The following ASB4 variants were observed in gnomAD, a reference collection of about 807,000 sequenced individuals.
The protein encoded by ASB4 is ankyrin repeat and SOCS box containing 4, also known as ankyrin repeat and SOCS box protein 4.
ASB4 carries 35 observed loss-of-function variants against 38.6 expected under a neutral mutation model. That is an observed-to-expected ratio of 0.91 (90% CI 0.69 to 1.20). ASB4 has a LOEUF of 1.20. ASB4 is among the 50% of genes most tolerant of loss of function. ASB4 has a pLI of 0.00. For missense variants in ASB4, 557 were observed against 527.2 expected, an observed-to-expected ratio of 1.06 and a Z score of -0.55; for synonymous variants, 195 against 201.3, an observed-to-expected ratio of 0.97 and a Z score of 0.26.
intron 1 of ASB4, among the ~76,000 whole-genome samples, chr7:95,493,139 A>C (rs184240566): frequency 3.9e-5 from 6 of 152,304 alleles, no homozygotes; most frequent in African/African-American, 1.4e-4. Context: ...TGGAATCTCA[A>C]AGTAATATAT....
chr7:95,517,631 C>A (rs1030020178), intron 2 of ASB4, among the ~76,000 whole-genome samples: 2 of 151,856 alleles, frequency 1.3e-5, no homozygotes, highest in East Asian at 3.9e-4. Flanking sequence ...AGAAATGAGT[C>A]ATCAATACCA....
chr7:95,515,506 C>T (rs1262776624), intron 2 of ASB4, among the ~76,000 whole-genome samples: 3 of 150,314 alleles, frequency 2.0e-5, no homozygotes, highest in Non-Finnish European at 4.4e-5. Context: ...ACCTCTGCAT[C>T]CCGTGTTCAA....
rs530636135 is a variant in ASB4 at position 95,498,323 on chromosome 7, T to C, written c.487+2266T>C. On this transcript the variant is annotated intron_variant, in intron 2 of 4. Coordinates refer to ENST00000325885, the MANE Select transcript of ASB4 (RefSeq NM_016116.3). ...ATCATTACAAACATATTAGAATAGC[T>C]AACATATTGGCTAACATTCTAAATG... is the stretch of plus-strand genomic sequence containing the variant. Among the ~76,000 whole-genome samples the C allele has an allele frequency of 2.0e-5, 3 of 152,308 alleles. No individual in the cohort carries two copies. The South Asian group carries it at 6.2e-4, about 32-fold the overall frequency.
At position 95,538,325 on chromosome 7, in the gene ASB4, T is replaced by G. The variant is rs1790924183; in HGVS notation, c.*566T>G. On this transcript the variant is annotated 3_prime_UTR_variant, in exon 5 of 5. Transcript: ENST00000325885. Reference sequence around the variant, plus strand: ...AAACAAGGAGATCTTGGAGTCAAATTAGAAATGAGAAAGAAACATCAGTCC... The same window carrying G: ...AAACAAGGAGATCTTGGAGTCAAATGAGAAATGAGAAAGAAACATCAGTCC... 1 of 152,216 alleles carries G rather than the reference T, an allele frequency of 6.6e-6. No individual in the cohort carries two copies. Among genetic ancestry groups the G allele is most frequent in the Non-Finnish European group, 1.5e-5 (1 of 68,088 alleles). The allele number at this position is 152,216 out of a possible 1,614,324, so 9.4% of individuals were successfully genotyped here.
intron 2 of ASB4, among the ~76,000 whole-genome samples, chr7:95,510,586 GT>G (rs1790466019): frequency 6.6e-6 from 1 of 152,082 alleles, no homozygotes; most frequent in African/African-American, 2.4e-5. Flanking sequence ...AACACTAATT[GT>G]TTTGGTCTCA....
In ASB4 at chr7:95,528,001, G is replaced by T; in HGVS notation, c.676G>T (p.Glu226Ter). 6.2e-7 allele frequency: 1 copy of T among 1,614,132 alleles called. No individual in the cohort carries two copies. Among genetic ancestry groups the T allele is most frequent in the Non-Finnish European group, 8.5e-7 (1 of 1,180,044 alleles). ...CTGGGCCCTCCGCTTTAAGGAGCAG[G>T]AGTACAGCACGGAGCACCACCTGGT... ...AYWALRFKEQ[E>*]YSTEHHLVCR... Residue 226 changes from glutamate to a stop codon, truncating the protein, a stop_gained, in exon 3 of 5, where the codon GAG becomes TAG. Transcript: ENST00000325885. LOFTEE classifies it high-confidence loss of function.
At chr7:95,521,347 A>G (rs1790659573) in intron 2 of ASB4, among the ~76,000 whole-genome samples, 1 of 152,126 alleles carries the variant, frequency 6.6e-6, no homozygotes, top group African/African-American at 2.4e-5. Context: ...ATGAGAATAC[A>G]CTTTACTGGT....
chr7:95,535,418 T>C (rs1790876856), intron 3 of ASB4, among the ~76,000 whole-genome samples: 1 of 151,746 alleles, frequency 6.6e-6, no homozygotes, highest in Non-Finnish European at 1.5e-5. Flanking sequence ...CTCAGAAAGG[T>C]TGATTTATGT....
chr7:95,514,214 G>T (rs1790523969), intron 2 of ASB4, among the ~76,000 whole-genome samples: 1 of 151,990 alleles, frequency 6.6e-6, no homozygotes, highest in Non-Finnish European at 1.5e-5. Flanking sequence ...TCTCTACTCA[G>T]TCTGGGCTTC....
rs762340074 is a variant in ASB4 at position 95,536,558 on chromosome 7, A to G, written c.1092+8A>G. 9 of 1,568,212 alleles carry G rather than the reference A, an allele frequency of 5.7e-6. No individual in the cohort carries two copies. In the South Asian group the frequency reaches 1.0e-4, roughly 17 times the overall value. On this transcript the variant is annotated splice_region_variant and intron_variant, in intron 4 of 4. Coordinates refer to ENST00000325885, the MANE Select transcript of ASB4 (RefSeq NM_016116.3). ...CCCGATGATGACTTGGAGGTAAATAATCGATTCCCTTCTAATAGTTTTCAC... is the reference window on the plus strand; with the variant it reads ...CCCGATGATGACTTGGAGGTAAATAGTCGATTCCCTTCTAATAGTTTTCAC...
chr7:95,505,000 T>A (rs1790388272), intron 2 of ASB4, among the ~76,000 whole-genome samples: 1 of 152,222 alleles, frequency 6.6e-6, no homozygotes, highest in Admixed American at 6.5e-5. Context: ...GCTTTCAAGT[T>A]GATAGTCTAT....
rs139445299 is a variant in ASB4 at position 95,495,187 on chromosome 7, C to A, written c.188-571C>A. On this transcript the variant is annotated intron_variant, in intron 1 of 4. Transcript: ENST00000325885. ...TTGCCTTAAATTCGTCTTTGGAAAG[C>A]GATATTGCATAAATCAACAGGCAGG... Among the ~76,000 whole-genome samples, 313 of 152,056 alleles carry A rather than the reference C, an allele frequency of 2.1e-3. 3 individuals are homozygous for A. The highest frequency in any genetic ancestry group is 7.3e-3 in the South Asian group (35 of 4,810).
chr7:95,528,324 C>G, intron 3 of ASB4, 21 bp downstream of exon 3: 1 of 1,613,842 alleles, frequency 6.2e-7, no homozygotes, highest in Non-Finnish European at 8.5e-7. Context: ...GCCCAGTGGT[C>G]AGCAGGTTGA....
the ASB4 span, among the ~76,000 whole-genome samples, chr7:95,550,582 C>A: frequency 6.6e-6 from 1 of 152,172 alleles, no homozygotes; most frequent in Non-Finnish European, 1.5e-5. Context: ...GCTCGCTATA[C>A]CTCTTTGGGC....
At position 95,515,167 on chromosome 7, in the gene ASB4, C is replaced by CCCTT. The variant is rs1490425101; in HGVS notation, c.488-12646_488-12645insCCTT. ...TGTTTTTCTTTCTTTCTTTCTCTTTCTCTTTCTTTCTTTCTTTCTTTCTTT... is the reference window on the plus strand; with the variant it reads ...TGTTTTTCTTTCTTTCTTTCTCTTTCCCTTTCTTTCTTTCTTTCTTTCTTTCTTT... On this transcript the variant is annotated intron_variant, in intron 2 of 4. Coordinates refer to ENST00000325885, the MANE Select transcript of ASB4 (RefSeq NM_016116.3). Among the ~76,000 whole-genome samples, 6 of 89,756 alleles carry CCCTT rather than the reference C, an allele frequency of 6.7e-5. 1 individual carries two copies. In the East Asian group the frequency reaches 2.0e-3, roughly 30 times the overall value. The allele number at this position is 89,756 out of a possible 152,430, so 58.9% of individuals were successfully genotyped here. A position where few individuals can be genotyped will look rare whatever the true frequency, so the allele number is the denominator to read the frequency against.
upstream of ASB4, among the ~76,000 whole-genome samples, chr7:95,480,920 C>T (rs902290181): frequency 1.3e-5 from 2 of 152,114 alleles, no homozygotes; most frequent in African/African-American, 4.8e-5. Flanking sequence ...GAGCTGATTT[C>T]TTACTAGATT....
the ASB4 span, among the ~76,000 whole-genome samples, chr7:95,550,002 AAACAGG>A: frequency 6.6e-6 from 1 of 152,204 alleles, no homozygotes; most frequent in African/African-American, 2.4e-5. Context: ...TCACTGGGCA[AAACAGG>A]TGCAAGTTTC....
In ASB4 at chr7:95,537,815, A is replaced by G. The variant is rs1790917429; in HGVS notation, c.*56A>G. Reference sequence around the variant, plus strand: ...GTATTTAAGTGGACTTGCTGGGTAGACACAGTTTGCCTAAATAAAATGGTA... The same window carrying G: ...GTATTTAAGTGGACTTGCTGGGTAGGCACAGTTTGCCTAAATAAAATGGTA... On this transcript the variant is annotated 3_prime_UTR_variant, in exon 5 of 5. Transcript: ENST00000325885. 2.0e-6 allele frequency: 3 copies of G among 1,490,238 alleles called. No homozygotes were observed. The highest frequency in any genetic ancestry group is 1.3e-5 in the South Asian group (1 of 79,544). 92.3% of individuals were successfully genotyped at this position (1,490,238 alleles called of 1,614,324 possible). A position where few individuals can be genotyped will look rare whatever the true frequency, so the allele number is the denominator to read the frequency against.
chr7:95,526,234 C>G (rs1159753170), intron 2 of ASB4, among the ~76,000 whole-genome samples: 1 of 152,170 alleles, frequency 6.6e-6, no homozygotes, highest in African/African-American at 2.4e-5. Flanking sequence ...TGGGAGAGAG[C>G]CCCAGGTGGG....
Sources: allele counts gnomAD v4.1 joint callset (sites outside exome capture counted in the v4.1 genomes callset), GRCh38; gene constraint gnomAD v4.1.1; transcripts MANE v1.5; gene names NCBI Gene and HGNC (gene_info 2026-07-23, HGNC 2026-07-21).